SH3TC1: variants seen among roughly 807,000 people sequenced by gnomAD.
SH3TC1 encodes the protein SH3 domain and tetratricopeptide repeats 1.
In SH3TC1, 135 loss-of-function variants were observed where a neutral mutation model predicts 117.3. The ratio of observed to expected loss-of-function variants is 1.15; its 90% CI spans 1.00 to 1.33. The LOEUF is 1.33. Ranked by LOEUF, SH3TC1 falls within the 40% of genes most tolerant of loss-of-function variation. The pLI is 0.00. For synonymous variants in SH3TC1, 898 were observed against 816.9 expected, an observed-to-expected ratio of 1.10 and a Z score of -1.69; for missense variants, 2,092 against 1,794.3, an observed-to-expected ratio of 1.17 and a Z score of -3.00.
chr4:8,235,922 C>T (rs55848134), intron 15 of SH3TC1: 10 of 358,316 alleles, frequency 2.8e-5, no homozygotes, highest in East Asian at 2.0e-4. Context: ...GCATGCACCC[C>T]GAAGCGGGGA....
chr4:8,217,032 A>G lies in SH3TC1; in HGVS notation c.704A>G (p.Gln235Arg). The G allele has an allele frequency of 6.2e-7, 1 of 1,613,600 alleles. No homozygotes were observed. Among genetic ancestry groups the G allele is most frequent in the Non-Finnish European group, 8.5e-7 (1 of 1,179,790 alleles). ...TGPRDAGNGP[Q>R]ALRQASGAPQ... is the part of the protein sequence containing the mutation. ...CCCCGGGATGCAGGAAATGGCCCCC[A>G]GGCCCTCAGGCAGGCTTCGGGGGCA... is the stretch of plus-strand genomic sequence containing the variant. The change falls in exon 7 of 18, where the codon CAG becomes CGG. Residue 235 changes from glutamine (Q) to arginine (R), a missense_variant. By Grantham distance (43) the Gln-to-Arg change is conservative (BLOSUM62 1). Coordinates refer to ENST00000245105, the MANE Select transcript of SH3TC1 (RefSeq NM_018986.5).
upstream of SH3TC1, among the ~76,000 whole-genome samples, chr4:8,196,555 G>A (rs1717562303): frequency 6.6e-6 from 1 of 152,216 alleles, no homozygotes; most frequent in Non-Finnish European, 1.5e-5. This position sits in a 1 kb window ranked among gnomAD's most constrained non-coding sequence, Gnocchi z 4.6. Flanking sequence ...CCACAGGGAA[G>A]CTGCCAGTAG....
In SH3TC1 at chr4:8,217,034, G is replaced by C. The variant is rs769197959; in HGVS notation, c.706G>C (p.Ala236Pro). Reference protein sequence around the residue: ...GPRDAGNGPQALRQASGAPQG... With the variant: ...GPRDAGNGPQPLRQASGAPQG... ...CCGGGATGCAGGAAATGGCCCCCAG[G>C]CCCTCAGGCAGGCTTCGGGGGCACC... Residue 236 changes from alanine (A) to proline (P), a missense_variant, in exon 7 of 18, where the codon GCC (alanine) becomes CCC (proline). Ala to Pro is a conservative substitution (Grantham distance 27). Transcript: ENST00000245105. 1 of 1,613,566 alleles carries C rather than the reference G, an allele frequency of 6.2e-7. No homozygotes were observed. Among genetic ancestry groups the C allele is most frequent in the East Asian group, 2.2e-5 (1 of 44,896 alleles).
chr4:8,237,479 C>T lies in SH3TC1; in HGVS notation c.3562C>T (p.Arg1188Trp), dbSNP rs144003268. 146 of 1,572,904 alleles carry T rather than the reference C, an allele frequency of 9.3e-5. 3 individuals are homozygous for T. Among genetic ancestry groups the T allele is most frequent in the South Asian group, 8.4e-4 (72 of 85,556 alleles). Residue 1188 changes from arginine (R) to tryptophan (W), a missense_variant, in exon 17 of 18, where the codon CGG (arginine) becomes TGG (tryptophan). Transcript: ENST00000245105. ...ALALSITLGD[R>W]LNERVAYHRL... ...CCCCTTGGCCTGCACCCCAGGGGAC[C>T]GGCTGAACGAGCGCGTGGCCTACCA...
chr4:8,225,330 C>A lies in SH3TC1; in HGVS notation c.1285+114C>A. 8.3e-7 allele frequency: 1 copy of A among 1,202,462 alleles called. No individual in the cohort carries two copies. The highest frequency in any genetic ancestry group is 2.6e-5 in the East Asian group (1 of 38,962). The allele number at this position is 1,202,462 out of a possible 1,614,324, so 74.5% of individuals were successfully genotyped here. On this transcript the variant is annotated intron_variant, in intron 11 of 17. Transcript: ENST00000245105. The surrounding 1 kb of genome is among the most constrained non-coding windows in gnomAD (Gnocchi z 5.5). ...GGCATTGGGTGCGGCTGTCACCCCT[C>A]TGTGGTGTGGGCTGGGGGCTTGGGG...
At position 8,205,517 on chromosome 4, in the gene SH3TC1, C is replaced by T. The variant is rs777775094; in HGVS notation, c.172+151C>T. On this transcript the variant is annotated intron_variant, in intron 2 of 17. Transcript: ENST00000245105. This position sits in a 1 kb window ranked among gnomAD's most constrained non-coding sequence, Gnocchi z 5.4. ...GCTCTCCATCACTTCTCGTTTCCTTCCCCCGCGTGTGTTTAACAGGAGCCA... is the reference window on the plus strand; with the variant it reads ...GCTCTCCATCACTTCTCGTTTCCTTTCCCCGCGTGTGTTTAACAGGAGCCA... 3.7e-6 allele frequency: 4 copies of T among 1,095,260 alleles called. No individual in the cohort carries two copies. Among genetic ancestry groups the T allele is most frequent in the Non-Finnish European group, 5.6e-6 (4 of 715,950 alleles). The allele number at this position is 1,095,260 out of a possible 1,614,324, so 67.8% of individuals were successfully genotyped here.
At chr4:8,214,096 G>T (rs1718993706) in intron 4 of SH3TC1, among the ~76,000 whole-genome samples, 1 of 152,102 alleles carries the variant, frequency 6.6e-6, no homozygotes, top group Admixed American at 6.5e-5. Context: ...TGATGCTGCA[G>T]GTGGGGCTGG....
rs1720375128 is a variant in SH3TC1 at position 8,225,439 on chromosome 4, C to G, written c.1285+223C>G. On this transcript the variant is annotated intron_variant, in intron 11 of 17. Transcript: ENST00000245105. The surrounding 1 kb of genome is among the most constrained non-coding windows in gnomAD (Gnocchi z 5.5). ...TCCCGCACTTCTTCCAATGAACATG[C>G]TGGCCCCCGCCTGGTCCCCGCCCAA... Among the ~76,000 whole-genome samples, 1 of 152,170 alleles carries G rather than the reference C, an allele frequency of 6.6e-6. No individual in the cohort carries two copies. Among genetic ancestry groups the G allele is most frequent in the South Asian group, 2.1e-4 (1 of 4,830 alleles).
intron 1 of SH3TC1, among the ~76,000 whole-genome samples, chr4:8,184,621 C>T (rs1265460375): frequency 6.6e-6 from 1 of 152,138 alleles, no homozygotes; most frequent in Non-Finnish European, 1.5e-5. Context: ...TCACGTGATC[C>T]TCCCGCCTCA....
intron 1 of SH3TC1, among the ~76,000 whole-genome samples, chr4:8,191,127 C>T (rs565145978): frequency 4.6e-5 from 7 of 152,314 alleles, no homozygotes; most frequent in Admixed American, 2.6e-4. Context: ...GGAAACAGCT[C>T]GCTTCCCTCA....
intron 1 of SH3TC1, among the ~76,000 whole-genome samples, chr4:8,203,947 T>C (rs894960702): frequency 1.3e-5 from 2 of 152,068 alleles, no homozygotes; most frequent in Admixed American, 6.5e-5. Context: ...GACAGGAGGC[T>C]CTGGGGGTTG....
chr4:8,239,335 A>G (rs1435399497), intron 17 of SH3TC1, among the ~76,000 whole-genome samples: 2 of 151,938 alleles, frequency 1.3e-5, no homozygotes, highest in African/African-American at 4.8e-5. Context: ...ACACATGCAC[A>G]CATGGACACG....
rs111328846 is a variant in SH3TC1 at position 8,239,202 on chromosome 4, C to T, written c.3754-1496C>T. On this transcript the variant is annotated intron_variant, in intron 17 of 17. Transcript: ENST00000245105. ...AGCCTGCCACCCACTAGCTGCTGCA[C>T]GCACTACAGGCACATGCAAATGCAC... 9.4e-3 allele frequency among the ~76,000 whole-genome samples: 1,429 copies of T among 152,302 alleles called. 21 individuals are homozygous for T. Among genetic ancestry groups the T allele is most frequent in the African/African-American group, 0.033 (1,357 of 41,560 alleles).
chr4:8,219,157 C>T (rs1434148789), intron 8 of SH3TC1, among the ~76,000 whole-genome samples, 178 bp from the exon 9 acceptor site: 2 of 152,166 alleles, frequency 1.3e-5, no homozygotes, highest in East Asian at 3.9e-4. Context: ...AAAAACATCC[C>T]CTCTGAGGAC....
At position 8,209,150 on chromosome 4, in the gene SH3TC1, T is replaced by C. The variant is rs1718441723; in HGVS notation, c.173-598T>C. Among the ~76,000 whole-genome samples the C allele has an allele frequency of 6.6e-6, 1 of 152,200 alleles. No homozygotes were observed. Among genetic ancestry groups the C allele is most frequent in the Non-Finnish European group, 1.5e-5 (1 of 68,036 alleles). On this transcript the variant is annotated intron_variant, in intron 2 of 17. Coordinates refer to ENST00000245105, the MANE Select transcript of SH3TC1 (RefSeq NM_018986.5). The surrounding 1 kb of genome is among the most constrained non-coding windows in gnomAD (Gnocchi z 5.9). ...GGGCTCAGATAAAGTCCTCCAAAGA[T>C]GCCCATGTCCTTATCCCCACGACCT...
rs3733538 is a variant in SH3TC1, at chr4:8,227,763, G to C, written c.2069G>C (p.Arg690Pro). Residue 690 changes from arginine to proline, a missense_variant, in exon 12 of 18, where the codon CGG becomes CCG. Arg to Pro is a moderately radical substitution (Grantham distance 103). Transcript: ENST00000245105. ...QPEEALPFLE[R>P]LLLLHRDSGA... ...GAGGAGGCCCTGCCCTTCCTAGAGC[G>C]GCTGCTGCTTTTGCACAGGGACTCG... is the stretch of plus-strand genomic sequence containing the variant. The C allele has an allele frequency of 6.2e-7, 1 of 1,611,882 alleles. No individual in the cohort carries two copies. The highest frequency in any genetic ancestry group is 2.2e-5 in the East Asian group (1 of 44,856).
intron 12 of SH3TC1, chr4:8,231,270 C>G (rs1478487413): frequency 6.6e-6 from 1 of 152,462 alleles, no homozygotes; most frequent in Non-Finnish European, 1.5e-5. Flanking sequence ...GGTCTCAGTC[C>G]TTTTCCATTC....
chr4:8,230,783 C>CTTTTTTT (rs59242411), intron 12 of SH3TC1, among the ~76,000 whole-genome samples: 4 of 134,156 alleles, frequency 3.0e-5, no homozygotes, highest in Non-Finnish European at 6.2e-5. Context: ...ATATGCTGTG[C>CTTTTTTT]TTTTTTTTTT....
chr4:8,182,340 T>C (rs541660011), intron 1 of SH3TC1: 16 of 152,058 alleles, frequency 1.1e-4, no homozygotes, highest in African/African-American at 3.6e-4. Context: ...ATGGGGAGGG[T>C]GCACCCAAAA....
Sources: gnomAD v4.1 joint callset for allele counts (sites outside exome capture counted in the v4.1 genomes callset) on GRCh38, gnomAD v4.1.1 for gene constraint, Gnocchi (gnomAD v3.1) non-coding constraint, MANE v1.5 for transcripts, NCBI Gene and HGNC (gene_info 2026-07-23, HGNC 2026-07-21) for gene names.